TMOD3: variants seen among roughly 807,000 people sequenced by gnomAD.
TMOD3 encodes tropomodulin-3.
A neutral mutation model predicts 39.2 loss-of-function variants in TMOD3; 20 were observed. That is an observed-to-expected ratio of 0.51 (90% CI 0.36 to 0.74). The LOEUF is 0.74. TMOD3 is among the 30% of genes least tolerant of loss of function. The pLI, the probability that TMOD3 is intolerant of heterozygous loss-of-function variation, is 0.00. For synonymous variants in TMOD3, 143 were observed against 145.8 expected, an observed-to-expected ratio of 0.98 and a Z score of 0.14; for missense variants, 381 against 412.8, an observed-to-expected ratio of 0.92 and a Z score of 0.67.
At position 51,876,464 on chromosome 15, in the gene TMOD3, CTT is replaced by C. The variant is rs35777134; in HGVS notation, c.283+7105_283+7106del. On this transcript the variant is annotated intron_variant, in intron 3 of 9. Coordinates refer to ENST00000308580, the MANE Select transcript of TMOD3 (RefSeq NM_014547.5). ...CAGGTGTGAGACAGTGCACCCAGCG[CTT>C]TTTTTTTTTTTTTGAGATGGAGTCT... 4.8e-3 allele frequency among the ~76,000 whole-genome samples: 655 copies of C among 136,668 alleles called. 4 individuals are homozygous for C. The highest frequency in any genetic ancestry group is 0.015 in the African/African-American group (559 of 37,128). The allele number at this position is 136,668 out of a possible 152,430, so 89.7% of individuals were successfully genotyped here. A position where few individuals can be genotyped will look rare whatever the true frequency, so the allele number is the denominator to read the frequency against.
intron 1 of TMOD3, among the ~76,000 whole-genome samples, chr15:51,845,165 C>T (rs535708459): frequency 4.7e-4 from 71 of 152,224 alleles, no homozygotes; most frequent in African/African-American, 1.7e-3. Context: ...GACCTGAGTC[C>T]ATCAGGCTCA....
At chr15:51,860,781 CA>C in intron 1 of TMOD3, 1 of 364,564 alleles carries the variant, frequency 2.7e-6, no homozygotes, top group Non-Finnish European at 5.3e-6. Flanking sequence ...ACTAAAAATA[CA>C]AAAATTAGCC....
Position 51,915,650 on chromosome 15 carries a change from T to A in TMOD3, c.*6840T>A, listed in dbSNP as rs933313960. Reference sequence around the variant, plus strand: ...AGTGAAGTTTCTTTTGAAGACTATGTACTGGAAGCATTTAGAACTTACCAA... The same window carrying A: ...AGTGAAGTTTCTTTTGAAGACTATGAACTGGAAGCATTTAGAACTTACCAA... On this transcript the variant is annotated 3_prime_UTR_variant, in exon 10 of 10. Coordinates refer to ENST00000308580, the MANE Select transcript of TMOD3 (RefSeq NM_014547.5). 1 of 152,238 alleles carries A rather than the reference T, an allele frequency of 6.6e-6. No individual in the cohort carries two copies. Among genetic ancestry groups the A allele is most frequent in the Non-Finnish European group, 1.5e-5 (1 of 68,048 alleles). 9.4% of individuals were successfully genotyped at this position (152,238 alleles called of 1,614,324 possible).
intron 3 of TMOD3, among the ~76,000 whole-genome samples, chr15:51,879,860 A>ACACACG (rs1299613409): frequency 6.8e-6 from 1 of 147,198 alleles, no homozygotes; most frequent in Non-Finnish European, 1.5e-5. Context: ...TGTCTTTCAC[A>ACACACG]CACACACACA....
intron 1 of TMOD3, chr15:51,859,886 T>G: frequency 1.9e-6 from 1 of 536,346 alleles, no homozygotes; most frequent in Non-Finnish European, 3.8e-6. Context: ...TGGCAGAAGC[T>G]TGAGTTCATG....
In TMOD3 at chr15:51,905,701, G is replaced by A. The variant is rs188075702; in HGVS notation, c.1025-3075G>A. The stretch of plus-strand genomic sequence containing the variant: ...GAAAATGAAGTTAGTTAGGACATTC[G>A]CAATTAACTAATGGTGGCGTATTGA... On this transcript the variant is annotated intron_variant, in intron 9 of 9. Coordinates refer to ENST00000308580, the MANE Select transcript of TMOD3 (RefSeq NM_014547.5). Among the ~76,000 whole-genome samples the A allele has an allele frequency of 2.7e-3, 413 of 152,168 alleles. 5 individuals carry two copies. Among genetic ancestry groups the A allele is most frequent in the African/African-American group, 9.6e-3 (399 of 41,516 alleles).
At chr15:51,900,347 T>C (rs1235854036) in intron 8 of TMOD3, 49 bp downstream of exon 8, 1 of 1,596,616 alleles carries the variant, frequency 6.3e-7, no homozygotes, top group Admixed American at 1.7e-5. Context: ...CCCACGCTGC[T>C]GTGTAGGGCT....
intron 1 of TMOD3, among the ~76,000 whole-genome samples, chr15:51,854,866 T>TA (rs2056380328): frequency 6.6e-6 from 1 of 152,228 alleles, no homozygotes; most frequent in Admixed American, 6.5e-5. Flanking sequence ...AGCTAAAATT[T>TA]AAAACTCTTA....
At chr15:51,898,516 G>A (rs1991267) in intron 7 of TMOD3, among the ~76,000 whole-genome samples, 95,525 of 152,066 alleles carry the variant, frequency 0.63, 31,505 homozygotes, top group East Asian at 0.98. Context: ...AGGGACCAAT[G>A]TGTTTTATCT....
rs2056513694 is a variant in TMOD3, at chr15:51,877,989, G to A, written c.283+8616G>A. ...GTGTGACCCTCTGCACAACTCCTGGGCTCCCTCTCTGTGCAGTTCCCTCCT... is the reference window on the plus strand; with the variant it reads ...GTGTGACCCTCTGCACAACTCCTGGACTCCCTCTCTGTGCAGTTCCCTCCT... On this transcript the variant is annotated intron_variant, in intron 3 of 9. Coordinates refer to ENST00000308580, the MANE Select transcript of TMOD3 (RefSeq NM_014547.5). 2.0e-5 allele frequency among the ~76,000 whole-genome samples: 3 copies of A among 152,172 alleles called. 1 individual carries two copies. The South Asian group carries it at 6.2e-4, about 32-fold the overall frequency.
intron 1 of TMOD3, among the ~76,000 whole-genome samples, chr15:51,854,060 C>T (rs912858846): frequency 1.3e-4 from 20 of 152,028 alleles, no homozygotes; most frequent in African/African-American, 4.6e-4. Context: ...GGGAGCAGTC[C>T]GAGATAATAT....
chr15:51,843,702 T>C (rs1255056356), intron 1 of TMOD3, among the ~76,000 whole-genome samples: 1 of 152,196 alleles, frequency 6.6e-6, no homozygotes, highest in African/African-American at 2.4e-5. Flanking sequence ...TGCATAGGAC[T>C]TTAGAAAGTT....
intron 3 of TMOD3, among the ~76,000 whole-genome samples, chr15:51,870,972 G>A (rs1257724250): frequency 6.6e-6 from 1 of 152,060 alleles, no homozygotes; most frequent in African/African-American, 2.4e-5. Flanking sequence ...GATTAAATGA[G>A]GCCCACCCAC....
chr15:51,873,420 A>G (rs1419144028), intron 3 of TMOD3, among the ~76,000 whole-genome samples: 1 of 152,212 alleles, frequency 6.6e-6, no homozygotes, highest in African/African-American at 2.4e-5. Context: ...GGCTCTTCAT[A>G]AAAGTTTGCA....
At chr15:51,853,169 G>A (rs2056370864) in intron 1 of TMOD3, among the ~76,000 whole-genome samples, 2 of 152,138 alleles carry the variant, frequency 1.3e-5, no homozygotes, top group South Asian at 4.1e-4. Context: ...AAGAATAAGA[G>A]GAAATAATTG....
In TMOD3 at chr15:51,908,952, T is replaced by C. The variant is rs1411488330; in HGVS notation, c.*142T>C. ...ACATGCATTTTTTTTTTAGTTGTTA[T>C]CAAATTGTAAAATCAGTAATGTGAT... On this transcript the variant is annotated 3_prime_UTR_variant, in exon 10 of 10. Coordinates refer to ENST00000308580, the MANE Select transcript of TMOD3 (RefSeq NM_014547.5). 2.1e-6 allele frequency: 1 copy of C among 476,168 alleles called. No homozygotes were observed. Among genetic ancestry groups the C allele is most frequent in the Non-Finnish European group, 3.7e-6 (1 of 267,856 alleles). The allele number at this position is 476,168 out of a possible 1,614,324, so 29.5% of individuals were successfully genotyped here. A position where few individuals can be genotyped will look rare whatever the true frequency, so the allele number is the denominator to read the frequency against.
At chr15:51,863,365 C>T (rs959116963) in intron 2 of TMOD3, among the ~76,000 whole-genome samples, 1 of 152,190 alleles carries the variant, frequency 6.6e-6, no homozygotes, top group African/African-American at 2.4e-5. Context: ...GCTTCTATGC[C>T]AGGTGGCTCC....
chr15:51,872,362 C>T (rs1395666402), intron 3 of TMOD3, among the ~76,000 whole-genome samples: 7 of 151,842 alleles, frequency 4.6e-5, no homozygotes, highest in African/African-American at 1.7e-4. Flanking sequence ...TACTGTACTC[C>T]AGCCTGGGCG....
chr15:51,849,270 G>A (rs1282136379), intron 1 of TMOD3, among the ~76,000 whole-genome samples: 1 of 152,208 alleles, frequency 6.6e-6, no homozygotes, highest in Non-Finnish European at 1.5e-5. Flanking sequence ...CATGGCAAGA[G>A]CAGGTATGGG....
Sources: gnomAD v4.1 joint callset for allele counts (sites outside exome capture counted in the v4.1 genomes callset) on GRCh38, gnomAD v4.1.1 for gene constraint, MANE v1.5 for transcripts, NCBI Gene and HGNC (gene_info 2026-07-23, HGNC 2026-07-21) for gene names.